Variants in ZNF79 observed in about 807,000 individuals in gnomAD.
The protein encoded by ZNF79 is zinc finger protein 79, also known as ZNFpT7.
ZNF79 carries 13 observed loss-of-function variants against 14.9 expected under a neutral mutation model. The ratio of observed to expected loss-of-function variants is 0.87; its 90% CI spans 0.57 to 1.38. The LOEUF (loss-of-function observed/expected upper bound fraction) is 1.38. Ranked by LOEUF, ZNF79 falls within the 40% of genes most tolerant of loss-of-function variation. The pLI, the probability that ZNF79 is intolerant of heterozygous loss-of-function variation, is 0.00. For synonymous variants in ZNF79, 223 were observed against 235.1 expected (o/e 0.95, Z 0.47); for missense variants, 631 against 630.6 (o/e 1.00, Z -0.01).
In ZNF79 at chr9:127,444,359, C is replaced by T; in HGVS notation, c.659C>T (p.Pro220Leu). The T allele has an allele frequency of 6.2e-7, 1 of 1,613,142 alleles. No individual in the cohort carries two copies. Among genetic ancestry groups the T allele is most frequent in the South Asian group, 1.1e-5 (1 of 91,020 alleles). The change falls in exon 5 of 5, where the codon CCC becomes CTC. Residue 220 changes from proline to leucine, a missense_variant. By Grantham distance (98) the Pro-to-Leu change is moderately conservative. Coordinates refer to ENST00000342483, the MANE Select transcript of ZNF79 (RefSeq NM_007135.3). ...QHQKSHTGEK[P>L]YECSECGKAF... ...CAGAAGAGCCACACTGGAGAGAAGC[C>T]CTATGAGTGCAGTGAATGTGGGAAG...
chr9:127,436,138 G>GCTCT, intron 4 of ZNF79, 135 bp downstream of exon 4: 1 of 698,110 alleles, frequency 1.4e-6, no homozygotes, highest in South Asian at 1.8e-5. Flanking sequence ...AGGAAATGGA[G>GCTCT]CTGAGAAAGG....
Position 127,424,654 on chromosome 9 carries a change from G to A in ZNF79, c.-134G>A. 1 of 1,383,280 alleles carries A rather than the reference G, an allele frequency of 7.2e-7. No individual in the cohort carries two copies. The highest frequency in any genetic ancestry group is 1.2e-5 in the South Asian group (1 of 81,266). 85.7% of individuals were successfully genotyped at this position (1,383,280 alleles called of 1,614,324 possible). A position where few individuals can be genotyped will look rare whatever the true frequency, so the allele number is the denominator to read the frequency against. On this transcript the variant is annotated 5_prime_UTR_variant, in exon 1 of 5. Transcript: ENST00000342483. ...CCGCAGGATCAGACCGTGCCTCTGC[G>A]GGGAGAGGCTGGAGAGGAAGAGTCC...
chr9:127,428,958 T>C, intron 2 of ZNF79, 38 bp downstream of exon 2: 1 of 1,406,830 alleles, frequency 7.1e-7, no homozygotes, highest in Non-Finnish European at 9.8e-7. Flanking sequence ...ATCCTTTTCT[T>C]CCCCCCTAAT....
Position 127,444,364 on chromosome 9 carries a change from G to C in ZNF79, c.664G>C (p.Glu222Gln). The stretch of plus-strand genomic sequence containing the variant: ...GAGCCACACTGGAGAGAAGCCCTAT[G>C]AGTGCAGTGAATGTGGGAAGGCCTT... ...QKSHTGEKPY[E>Q]CSECGKAFSQ... The change falls in exon 5 of 5, where the codon GAG (glutamate) becomes CAG (glutamine). Residue 222 changes from glutamate (E) to glutamine (Q), a missense_variant. Coordinates refer to ENST00000342483, the MANE Select transcript of ZNF79 (RefSeq NM_007135.3). 1 of 1,613,080 alleles carries C rather than the reference G, an allele frequency of 6.2e-7. No homozygotes were observed. The highest frequency in any genetic ancestry group is 8.5e-7 in the Non-Finnish European group (1 of 1,179,252).
At chr9:127,427,423 CAAA>C (rs943775965) in intron 1 of ZNF79, among the ~76,000 whole-genome samples, 1 of 90,278 alleles carries the variant, frequency 1.1e-5, no homozygotes, top group African/African-American at 3.9e-5. Context: ...AACTCCGTCT[CAAA>C]AAAAAAAAAA....
rs951478662 is a variant in ZNF79, at chr9:127,432,401, C to T, written c.106-2689C>T. On this transcript the variant is annotated intron_variant, in intron 2 of 4. Transcript: ENST00000342483. ...CTGACCTCAGGTGATCCACCCGCCT[C>T]GGCCTCCCAAAGTGCTGGGATTACA... 7.9e-5 allele frequency among the ~76,000 whole-genome samples: 12 copies of T among 152,128 alleles called. No homozygotes were observed. The East Asian group carries it at 9.7e-4, about 12-fold the overall frequency.
intron 1 of ZNF79, among the ~76,000 whole-genome samples, chr9:127,427,685 G>A (rs941787520): frequency 1.6e-4 from 25 of 152,062 alleles, no homozygotes; most frequent in African/African-American, 5.8e-4. Flanking sequence ...GGGCCTGCAG[G>A]CATGCGCCAC....
rs1256335973 is a variant in ZNF79, at chr9:127,429,018, C to T, written c.105+98C>T. On this transcript the variant is annotated intron_variant, in intron 2 of 4. Transcript: ENST00000342483. Reference sequence around the variant, plus strand: ...TTTGTTGTCATTGTTTGTTTTCTTTCTTTCTTTATTTTTTGAGACTGAGTC... The same window carrying T: ...TTTGTTGTCATTGTTTGTTTTCTTTTTTTCTTTATTTTTTGAGACTGAGTC... 6.9e-6 allele frequency: 6 copies of T among 870,676 alleles called. No individual in the cohort carries two copies. The South Asian group carries it at 1.2e-4, about 18-fold the overall frequency. 53.9% of individuals were successfully genotyped at this position (870,676 alleles called of 1,614,324 possible).
intron 2 of ZNF79, among the ~76,000 whole-genome samples, chr9:127,431,119 G>A (rs143024926): frequency 1.3e-5 from 2 of 151,930 alleles, no homozygotes; most frequent in East Asian, 1.9e-4. Flanking sequence ...GCTTTTTAAC[G>A]TGGTTATTTG....
At position 127,445,212 on chromosome 9, in the gene ZNF79, G is replaced by A; in HGVS notation, c.*15G>A. ...CCGGAGAGTAACTAGGAACATGGTAGAAGTGGAGAGAGTCCCGGACATGCC... is the reference window on the plus strand; with the variant it reads ...CCGGAGAGTAACTAGGAACATGGTAAAAGTGGAGAGAGTCCCGGACATGCC... On this transcript the variant is annotated 3_prime_UTR_variant, in exon 5 of 5. Coordinates refer to ENST00000342483, the MANE Select transcript of ZNF79 (RefSeq NM_007135.3). 1 of 1,611,116 alleles carries A rather than the reference G, an allele frequency of 6.2e-7. No individual in the cohort carries two copies. The highest frequency in any genetic ancestry group is 8.5e-7 in the Non-Finnish European group (1 of 1,177,986).
chr9:127,435,901 T>C lies in ZNF79; in HGVS notation c.233-7T>C. On this transcript the variant is annotated splice_polypyrimidine_tract_variant and splice_region_variant and intron_variant, in intron 3 of 4. Coordinates refer to ENST00000342483, the MANE Select transcript of ZNF79 (RefSeq NM_007135.3). The stretch of plus-strand genomic sequence containing the variant: ...ATTTCTAAAGCCTGTTTTTTCCCGT[T>C]GAATAGGACTTCCAGTTTCCCAGCC... 6.2e-7 allele frequency: 1 copy of C among 1,613,872 alleles called. No individual in the cohort carries two copies. The highest frequency in any genetic ancestry group is 8.5e-7 in the Non-Finnish European group (1 of 1,179,752).
intron 2 of ZNF79, among the ~76,000 whole-genome samples, chr9:127,433,906 C>T (rs1833901498): frequency 6.6e-6 from 1 of 152,200 alleles, no homozygotes; most frequent in African/African-American, 2.4e-5. Flanking sequence ...AGGATCCTCT[C>T]TCAACTTGAC....
At chr9:127,440,645 G>T (rs1026752674) in intron 4 of ZNF79, among the ~76,000 whole-genome samples, 21 of 152,200 alleles carry the variant, frequency 1.4e-4, no homozygotes, top group African/African-American at 5.1e-4. Context: ...AAATGAAAAA[G>T]AATTCAGCGT....
At chr9:127,424,949 A>G in intron 1 of ZNF79, 146 bp downstream of exon 1, 1 of 1,519,562 alleles carries the variant, frequency 6.6e-7, no homozygotes, top group Non-Finnish European at 8.9e-7. Context: ...TTTGCCCATG[A>G]CACAGCCCCA....
rs1833925989 is a variant in ZNF79, at chr9:127,435,193, A to T, written c.209A>T (p.Lys70Met). The change falls in exon 3 of 5, where the codon AAG becomes ATG. Residue 70 changes from lysine (K) to methionine (M), a missense_variant. Physicochemically the swap from Lys to Met is moderately conservative, Grantham distance 95. Coordinates refer to ENST00000342483, the MANE Select transcript of ZNF79 (RefSeq NM_007135.3). ...AGGTTCAAGGAGGGGATACCAGGAA[A>T]GTCCAGGAGCCTTGTCCTACTAGGT... The part of the protein sequence containing the change: ...RDRFKEGIPG[K>M]SRSLVLLGLP... 6 of 1,609,120 alleles carry T rather than the reference A, an allele frequency of 3.7e-6. No homozygotes were observed. In the South Asian group the frequency reaches 6.6e-5, roughly 18 times the overall value.
chr9:127,427,582 C>T (rs1448726714), intron 1 of ZNF79, among the ~76,000 whole-genome samples: 2 of 134,084 alleles, frequency 1.5e-5, no homozygotes, highest in Non-Finnish European at 3.1e-5. Flanking sequence ...TGCTTTGTTG[C>T]CCACGCTGGA....
chr9:127,435,963 A>C lies in ZNF79; in HGVS notation c.288A>C (p.Ala96=). The change falls in exon 4 of 5, where the codon GCA becomes GCC. Residue 96 remains alanine (A), a synonymous_variant. Transcript: ENST00000342483. Reference sequence around the variant, plus strand: ...CCCAGTTGGAACAAAGGGAAGGCGCATGGATGCTGGAGGGCGAAGACCTGC... The same window carrying C: ...CCCAGTTGGAACAAAGGGAAGGCGCCTGGATGCTGGAGGGCGAAGACCTGC... ...MNSQLEQREG[A]WMLEGEDLRS... is the part of the protein sequence containing the mutation. 6.2e-7 allele frequency: 1 copy of C among 1,614,258 alleles called. No homozygotes were observed. Among genetic ancestry groups the C allele is most frequent in the South Asian group, 1.1e-5 (1 of 91,086 alleles).
Position 127,444,373 on chromosome 9 carries a change from G to GA in ZNF79, c.675dup (p.Cys226MetfsTer28). 6.2e-7 allele frequency: 1 copy of GA among 1,612,658 alleles called. No individual in the cohort carries two copies. Among genetic ancestry groups the GA allele is most frequent in the Non-Finnish European group, 8.5e-7 (1 of 1,178,780 alleles). On this transcript the variant is annotated frameshift_variant, in exon 5 of 5. Coordinates refer to ENST00000342483, the MANE Select transcript of ZNF79 (RefSeq NM_007135.3). LOFTEE classifies it low-confidence loss of function (END_TRUNC). Reference sequence around the variant, plus strand: ...TGGAGAGAAGCCCTATGAGTGCAGTGAATGTGGGAAGGCCTTCAGCCAGAG... The same window carrying GA: ...TGGAGAGAAGCCCTATGAGTGCAGTGAAATGTGGGAAGGCCTTCAGCCAGAG...
chr9:127,438,171 G>A (rs6478781), intron 4 of ZNF79, among the ~76,000 whole-genome samples: 92,407 of 151,912 alleles, frequency 0.61, 28,451 homozygotes, highest in African/African-American at 0.64. Flanking sequence ...AGCAGACACC[G>A]TCTACCTGGA....
Sources: gnomAD v4.1 joint callset for allele counts (sites outside exome capture counted in the v4.1 genomes callset) on GRCh38, gnomAD v4.1.1 for gene constraint, MANE v1.5 for transcripts, NCBI Gene and HGNC (gene_info 2026-07-23, HGNC 2026-07-21) for gene names.